Variants in EIF2AK1 observed in about 807,000 individuals in gnomAD.
EIF2AK1 encodes eukaryotic translation initiation factor 2-alpha kinase 1.
EIF2AK1 carries 54 observed loss-of-function variants against 77.9 expected under a neutral mutation model. The observed-to-expected ratio is 0.69, with a 90% confidence interval of 0.56 to 0.87. The LOEUF (loss-of-function observed/expected upper bound fraction) is 0.87. Ranked by LOEUF, EIF2AK1 falls within the 40% of genes least tolerant of loss-of-function variation. The pLI, the probability that EIF2AK1 is intolerant of heterozygous loss-of-function variation, is 0.00. For missense variants in EIF2AK1, 810 were observed against 768.6 expected, an observed-to-expected ratio of 1.05 and a Z score of -0.64; for synonymous variants, 314 against 290.5, an observed-to-expected ratio of 1.08 and a Z score of -0.82.
chr7:6,030,430 C>T (rs1420311666), intron 11 of EIF2AK1, among the ~76,000 whole-genome samples: 1 of 152,178 alleles, frequency 6.6e-6, no homozygotes, highest in Non-Finnish European at 1.5e-5. Flanking sequence ...GTCTCACTTT[C>T]ACTGTTCTTT....
At chr7:6,024,839 CTT>C (rs372712239) in intron 14 of EIF2AK1, 38 bp from the exon 15 acceptor site, 17,453 of 1,077,592 alleles carry the variant, frequency 0.016, no homozygotes, top group South Asian at 0.024. Context: ...ATTAAAATAA[CTT>C]TTTTTTTTTT....
At chr7:6,026,004 C>G (rs1417050995) in intron 14 of EIF2AK1, among the ~76,000 whole-genome samples, 1 of 151,798 alleles carries the variant, frequency 6.6e-6, no homozygotes, top group Admixed American at 6.6e-5. Flanking sequence ...AAAAAAAAAA[C>G]ATGTACAGAG....
chr7:6,050,832 T>C (rs1358307641), intron 2 of EIF2AK1, among the ~76,000 whole-genome samples: 1 of 151,698 alleles, frequency 6.6e-6, no homozygotes, highest in Non-Finnish European at 1.5e-5. Context: ...CTCGATCTCC[T>C]GACCTCGTGA....
At position 6,037,432 on chromosome 7, in the gene EIF2AK1, C is replaced by T; in HGVS notation, c.1324G>A (p.Asp442Asn). ...YIHNMGIVHRDLKPRNIFLHG... is the reference protein window; with the variant it reads ...YIHNMGIVHRNLKPRNIFLHG... ...TCATCGCCCCCACTTACCTTCAGAT[C>T]TCGGTGCACAATTCCCATGTTATGT... is the stretch of plus-strand genomic sequence containing the variant. Residue 442 changes from aspartate (D) to asparagine (N), a missense_variant, in exon 11 of 15, where the codon GAT becomes AAT. Asp to Asn is a conservative substitution (Grantham distance 23, BLOSUM62 1). Around this residue, in one of 3 missense-constraint regions of EIF2AK1, gnomAD observed 549 missense variants for 533.7 expected, o/e 1.03. Coordinates refer to ENST00000199389, the MANE Select transcript of EIF2AK1 (RefSeq NM_014413.4). The T allele has an allele frequency of 6.2e-7, 1 of 1,608,364 alleles. No individual in the cohort carries two copies. Among genetic ancestry groups the T allele is most frequent in the Non-Finnish European group, 8.5e-7 (1 of 1,176,574 alleles).
chr7:6,026,833 A>G lies in EIF2AK1; in HGVS notation c.1659T>C (p.Cys553=). The G allele has an allele frequency of 1.2e-6, 2 of 1,614,190 alleles. No individual in the cohort carries two copies. Among genetic ancestry groups the G allele is most frequent in the Non-Finnish European group, 1.7e-6 (2 of 1,180,028 alleles). ...GQLPESLRKR[C]PVQAKYIQHL... ...GCTGGATATACTTGGCTTGCACTGGACACCTTTTACGGAGGGATTCCGGCA... is the reference window on the plus strand; with the variant it reads ...GCTGGATATACTTGGCTTGCACTGGGCACCTTTTACGGAGGGATTCCGGCA... The change falls in exon 14 of 15, where the codon TGT becomes TGC. Residue 553 remains cysteine, a synonymous_variant. Transcript: ENST00000199389.
In EIF2AK1 at chr7:6,032,891, A is replaced by G. The variant is rs1787957575; in HGVS notation, c.1333-3859T>C. 6.4e-7 allele frequency: 1 copy of G among 1,551,072 alleles called. No homozygotes were observed. On this transcript the variant is annotated intron_variant, in intron 11 of 14. Coordinates refer to ENST00000199389, the MANE Select transcript of EIF2AK1 (RefSeq NM_014413.4). The surrounding 1 kb of genome is among the most constrained non-coding windows in gnomAD (Gnocchi z 4.3). ...CTGGCTGCCAAGTACCACAAGGCCC[A>G]GAGTCTGCTCTGCCTGTTACGGCAC...
At chr7:6,031,498 C>A in intron 11 of EIF2AK1, 2 of 1,550,726 alleles carry the variant, frequency 1.3e-6, no homozygotes, top group South Asian at 1.2e-5. Context: ...GAGAAGACTG[C>A]ACTACGATCG....
At chr7:6,044,203 G>GC in intron 7 of EIF2AK1, among the ~76,000 whole-genome samples, 1 of 152,170 alleles carries the variant, frequency 6.6e-6, no homozygotes, top group Middle Eastern at 3.4e-3. Flanking sequence ...GGTGGCTCAT[G>GC]CCTGTAATCT....
At chr7:6,045,654 G>A (rs1198956518) in intron 6 of EIF2AK1, among the ~76,000 whole-genome samples, 1 of 151,238 alleles carries the variant, frequency 6.6e-6, no homozygotes, top group East Asian at 2.0e-4. Flanking sequence ...GACTGACCTG[G>A]AACTGGGCTC....
At position 6,035,596 on chromosome 7, in the gene EIF2AK1, G is replaced by A; in HGVS notation, c.1332+1828C>T. On this transcript the variant is annotated intron_variant, in intron 11 of 14. Transcript: ENST00000199389. The surrounding 1 kb of genome is among the most constrained non-coding windows in gnomAD (Gnocchi z 5.5). ...TGTCTCCGCATCTTGTGTGCGCACGGAGCTCAAGTGAACACTCAAGGGGAA... is the reference window on the plus strand; with the variant it reads ...TGTCTCCGCATCTTGTGTGCGCACGAAGCTCAAGTGAACACTCAAGGGGAA... 6.4e-7 allele frequency: 1 copy of A among 1,551,016 alleles called. No homozygotes were observed. Among genetic ancestry groups the A allele is most frequent in the African/African-American group, 1.4e-5 (1 of 73,114 alleles).
rs1788050945 is a variant in EIF2AK1, at chr7:6,035,482, T to C, written c.1332+1942A>G. ...CTCACCACACTCAACTTAATGCTACTGCACTGGCCAGTCACTTCCACCACG... is the reference window on the plus strand; with the variant it reads ...CTCACCACACTCAACTTAATGCTACCGCACTGGCCAGTCACTTCCACCACG... On this transcript the variant is annotated intron_variant, in intron 11 of 14. Transcript: ENST00000199389. This position sits in a 1 kb window ranked among gnomAD's most constrained non-coding sequence, Gnocchi z 5.5. The C allele has an allele frequency of 1.3e-6, 2 of 1,550,960 alleles. No homozygotes were observed. The highest frequency in any genetic ancestry group is 2.0e-5 in the Admixed American group (1 of 50,994).
At chr7:6,044,318 A>G (rs1378561963) in intron 7 of EIF2AK1, among the ~76,000 whole-genome samples, 1 of 151,616 alleles carries the variant, frequency 6.6e-6, no homozygotes, top group Admixed American at 6.6e-5. Flanking sequence ...ACCAAAAAAA[A>G]AAGTTAGCTG....
At chr7:6,044,523 G>C in intron 7 of EIF2AK1, 39 bp downstream of exon 7, 1 of 1,560,318 alleles carries the variant, frequency 6.4e-7, no homozygotes, top group Non-Finnish European at 8.8e-7. Context: ...GCTAAAGTTT[G>C]CCAACGCTTC....
chr7:6,046,235 A>G lies in EIF2AK1; in HGVS notation c.550-84T>C, dbSNP rs988466278. 4 of 702,940 alleles carry G rather than the reference A, an allele frequency of 5.7e-6. No individual in the cohort carries two copies. The African/African-American group carries it at 7.5e-5, about 13-fold the overall frequency. The allele number at this position is 702,940 out of a possible 1,614,324, so 43.5% of individuals were successfully genotyped here. On this transcript the variant is annotated intron_variant, in intron 5 of 14. Coordinates refer to ENST00000199389, the MANE Select transcript of EIF2AK1 (RefSeq NM_014413.4). The stretch of plus-strand genomic sequence containing the variant: ...AGGTTCTTTTAATCTGAGCTTAGAC[A>G]ATCCAAACTAGCCAAAGAGGTAAAA...
At chr7:6,030,156 A>G (rs1237263099) in intron 11 of EIF2AK1, among the ~76,000 whole-genome samples, 2 of 152,212 alleles carry the variant, frequency 1.3e-5, no homozygotes, top group Non-Finnish European at 2.9e-5. Context: ...CAATAAGTGA[A>G]CAGGATGTAG....
chr7:6,044,570 T>G lies in EIF2AK1; in HGVS notation c.722A>C (p.Gln241Pro), dbSNP rs781059545. 3 of 1,612,990 alleles carry G rather than the reference T, an allele frequency of 1.9e-6. No individual in the cohort carries two copies. The highest frequency in any genetic ancestry group is 2.5e-6 in the Non-Finnish European group (3 of 1,179,254). The change falls in exon 7 of 15, where the codon CAG becomes CCG. Residue 241 changes from glutamine (Q) to proline (P), a missense_variant. Around this residue, in one of 3 missense-constraint regions of EIF2AK1, gnomAD observed 549 missense variants for 533.7 expected, o/e 1.03. Transcript: ENST00000199389. ...TAWIEHVHVI[Q>P]PRADRAAIEL... ...CATCAAAAACGGCTTACCTCGTGGC[T>G]GAATCACATGAACATGTTCTATCCA... is the stretch of plus-strand genomic sequence containing the variant.
intron 4 of EIF2AK1, 49 bp from the exon 5 acceptor site, chr7:6,047,140 A>G: frequency 6.6e-7 from 1 of 1,523,812 alleles, no homozygotes; most frequent in African/African-American, 1.4e-5. Context: ...GAGAATCAAA[A>G]TGTTCTAGGA....
Position 6,023,151 on chromosome 7 carries a change from A to G in EIF2AK1, c.*1522T>C. 1.1e-6 allele frequency: 1 copy of G among 898,612 alleles called. No homozygotes were observed. Among genetic ancestry groups the G allele is most frequent in the Non-Finnish European group, 1.6e-6 (1 of 609,310 alleles). 55.7% of individuals were successfully genotyped at this position (898,612 alleles called of 1,614,324 possible). A position where few individuals can be genotyped will look rare whatever the true frequency, so the allele number is the denominator to read the frequency against. On this transcript the variant is annotated 3_prime_UTR_variant, in exon 15 of 15. Coordinates refer to ENST00000199389, the MANE Select transcript of EIF2AK1 (RefSeq NM_014413.4). The stretch of plus-strand genomic sequence containing the variant: ...AACCCTTTTCAGTAGTAAGCATCTT[A>G]GAGACAGACTGAAAATGTGATGTTC...
rs538190476 is a variant in EIF2AK1 at position 6,057,199 on chromosome 7, C to G, written c.118+1767G>C. Among the ~76,000 whole-genome samples, 37 of 137,160 alleles carry G rather than the reference C, an allele frequency of 2.7e-4. 1 individual carries two copies. The highest frequency in any genetic ancestry group is 9.8e-4 in the African/African-American group (35 of 35,826). 90.0% of individuals were successfully genotyped at this position (137,160 alleles called of 152,430 possible). A position where few individuals can be genotyped will look rare whatever the true frequency, so the allele number is the denominator to read the frequency against. On this transcript the variant is annotated intron_variant, in intron 1 of 14. Transcript: ENST00000199389. ...CCAGGCTGGAGTGCAGTGGCACGAT[C>G]TCAGCTCACTGCAACCTCTGCCTCC...
Sources: gnomAD v4.1 joint callset for allele counts (sites outside exome capture counted in the v4.1 genomes callset) on GRCh38, gnomAD v4.1.1 for gene constraint, gnomAD v4.1.1 regional missense constraint, Gnocchi (gnomAD v3.1) non-coding constraint, MANE v1.5 for transcripts, NCBI Gene and HGNC (gene_info 2026-07-23, HGNC 2026-07-21) for gene names.